OPTC: variants seen among roughly 807,000 people sequenced by gnomAD.
The protein encoded by OPTC is opticin.
In OPTC, 22 loss-of-function variants were observed where a neutral mutation model predicts 25.4. The observed-to-expected ratio is 0.87, with a 90% CI of 0.62 to 1.24. The LOEUF is 1.24. Among genes scored for constraint, OPTC ranks in the 50% most tolerant of loss-of-function variants. The pLI is 0.00. For synonymous variants in OPTC, 169 were observed against 179.3 expected, an observed-to-expected ratio of 0.94 and a Z score of 0.46; for missense variants, 417 against 425.2, an observed-to-expected ratio of 0.98 and a Z score of 0.17.
At chr1:203,506,152 C>T (rs28605835) in intron 7 of OPTC, among the ~76,000 whole-genome samples, 54,087 of 140,100 alleles carry the variant, frequency 0.39, 10,248 homozygotes, top group East Asian at 0.45. Flanking sequence ...TTTCTTTTTT[C>T]TTTTTTTTTT....
intron 7 of OPTC, among the ~76,000 whole-genome samples, chr1:203,508,208 C>A (rs1387615846): frequency 6.6e-6 from 1 of 152,216 alleles, no homozygotes; most frequent in East Asian, 1.9e-4. Context: ...AATCCCATCT[C>A]CAGCTCCTGG....
At chr1:203,503,794 C>A in intron 7 of OPTC, 49 bp downstream of exon 7, 1 of 1,487,680 alleles carries the variant, frequency 6.7e-7, no homozygotes, top group Non-Finnish European at 9.3e-7. Context: ...AGCCATAAAG[C>A]CCAATTCCTT....
rs2102221402 is a variant in OPTC, at chr1:203,499,925, A to C, written c.732+74A>C. 7.5e-6 allele frequency: 9 copies of C among 1,193,930 alleles called. No individual in the cohort carries two copies. The African/African-American group carries it at 1.0e-4, about 14-fold the overall frequency. The allele number at this position is 1,193,930 out of a possible 1,614,324, so 74.0% of individuals were successfully genotyped here. On this transcript the variant is annotated intron_variant, in intron 5 of 7. Coordinates refer to ENST00000367222, the MANE Select transcript of OPTC (RefSeq NM_014359.4). ...CTACCACCACCCACCTCCACCACCT[A>C]CCTCCACCACTCACCTCCACCACCA...
Position 203,498,395 on chromosome 1 carries a change from C to A in OPTC, c.371-286C>A, listed in dbSNP as rs547962866. On this transcript the variant is annotated intron_variant, in intron 3 of 7. Coordinates refer to ENST00000367222, the MANE Select transcript of OPTC (RefSeq NM_014359.4). ...AGACCAAGGGATTTCCTAGAAACAC[C>A]CACATAGGCCCAGGAAAATGTACAC... Among the ~76,000 whole-genome samples, 6 of 152,252 alleles carry A rather than the reference C, an allele frequency of 3.9e-5. No individual in the cohort carries two copies. The South Asian group carries it at 1.2e-3, about 32-fold the overall frequency.
chr1:203,494,411 A>C (rs1438388906), intron 1 of OPTC, among the ~76,000 whole-genome samples, 194 bp downstream of exon 1: 2 of 152,096 alleles, frequency 1.3e-5, no homozygotes, highest in Admixed American at 6.6e-5. Context: ...GTTTGGGGTG[A>C]GGTATGGGAG....
At chr1:203,496,876 CTT>C (rs1239450801) in intron 2 of OPTC, 99 bp from the exon 3 acceptor site, 2 of 1,273,828 alleles carry the variant, frequency 1.6e-6, no homozygotes, top group Admixed American at 1.7e-5. Flanking sequence ...CACAGTGACT[CTT>C]TGCTGGTTTG....
intron 7 of OPTC, among the ~76,000 whole-genome samples, chr1:203,506,730 A>T (rs1404990249): frequency 6.6e-6 from 1 of 152,224 alleles, no homozygotes; most frequent in Non-Finnish European, 1.5e-5. Flanking sequence ...TTCAGACTGC[A>T]GATGAAGAAA....
At chr1:203,508,305 G>C (rs1661530883) in intron 7 of OPTC, among the ~76,000 whole-genome samples, 7 of 152,166 alleles carry the variant, frequency 4.6e-5, no homozygotes, top group Admixed American at 4.6e-4. Context: ...CTAGAAAAAG[G>C]GGGGCTGCCT....
chr1:203,504,618 A>G, intron 7 of OPTC, among the ~76,000 whole-genome samples: 2 of 152,242 alleles, frequency 1.3e-5, no homozygotes, highest in South Asian at 2.1e-4. Context: ...AGATTTCTAT[A>G]GGGCATTCCT....
chr1:203,500,046 A>C (rs1399992210), intron 5 of OPTC, among the ~76,000 whole-genome samples, 195 bp downstream of exon 5: 1 of 5,372 alleles, frequency 1.9e-4, no homozygotes, highest in Admixed American at 2.2e-3. Context: ...CACCACCACC[A>C]CCTACCTCCA....
At chr1:203,507,678 C>T (rs900124083) in intron 7 of OPTC, among the ~76,000 whole-genome samples, 11 of 152,182 alleles carry the variant, frequency 7.2e-5, no homozygotes, top group Non-Finnish European at 1.5e-5. Context: ...CAGGGCCCCT[C>T]CTCTCCGTGA....
At chr1:203,501,806 C>T (rs770930438) in intron 5 of OPTC, among the ~76,000 whole-genome samples, 8 of 152,066 alleles carry the variant, frequency 5.3e-5, no homozygotes, top group East Asian at 1.9e-4. Flanking sequence ...AATCAGAAGC[C>T]GGCCACGTGA....
intron 7 of OPTC, among the ~76,000 whole-genome samples, chr1:203,504,482 A>G (rs1191773716): frequency 3.3e-5 from 5 of 152,176 alleles, no homozygotes; most frequent in African/African-American, 1.2e-4. Context: ...AAACACTACA[A>G]ATTGGGATTT....
Position 203,499,805 on chromosome 1 carries a change from G to A in OPTC, c.686G>A (p.Arg229His), listed in dbSNP as rs573018317. 471 of 1,612,536 alleles carry A rather than the reference G, an allele frequency of 2.9e-4. 10 individuals are homozygous for A. In the South Asian group the frequency reaches 4.8e-3, roughly 17 times the overall value. The change falls in exon 5 of 8, where the codon CGC (arginine) becomes CAC (histidine). Residue 229 changes from arginine to histidine, a missense_variant. Coordinates refer to ENST00000367222, the MANE Select transcript of OPTC (RefSeq NM_014359.4). ...AGTGGCATTGAGTTCCTGGATGTCC[G>A]CCTAAATCGGCTCCAGAGCTCGGGG... ...LPSGIEFLDV[R>H]LNRLQSSGIQ...
intron 2 of OPTC, 70 bp downstream of exon 2, chr1:203,496,306 C>T: frequency 8.5e-7 from 1 of 1,175,866 alleles, no homozygotes. Context: ...GCCCTCCCAT[C>T]TGCCCCAAAG....
intron 2 of OPTC, 86 bp downstream of exon 2, chr1:203,496,322 G>T (rs72743632): frequency 2.2e-5 from 20 of 920,042 alleles, no homozygotes; most frequent in Admixed American, 9.5e-5. Context: ...CAAAGTGCGG[G>T]TGTCTCCAGC....
chr1:203,497,437 G>A (rs979939457), intron 3 of OPTC, among the ~76,000 whole-genome samples: 1 of 152,202 alleles, frequency 6.6e-6, no homozygotes, highest in African/African-American at 2.4e-5. Flanking sequence ...AGGTTGAGTG[G>A]TAATTAGATT....
At chr1:203,504,217 T>G (rs1462530926) in intron 7 of OPTC, among the ~76,000 whole-genome samples, 1 of 152,214 alleles carries the variant, frequency 6.6e-6, no homozygotes, top group Non-Finnish European at 1.5e-5. Flanking sequence ...AAAATTAAAT[T>G]ATATAAACTC....
chr1:203,500,857 T>C (rs1296036274), intron 5 of OPTC, among the ~76,000 whole-genome samples: 3 of 152,188 alleles, frequency 2.0e-5, no homozygotes, highest in African/African-American at 7.2e-5. Flanking sequence ...CAACTCTCTC[T>C]CCCTCTTTGG....
Sources: allele counts gnomAD v4.1 joint callset (sites outside exome capture counted in the v4.1 genomes callset), GRCh38; gene constraint gnomAD v4.1.1; transcripts MANE v1.5; gene names NCBI Gene and HGNC (gene_info 2026-07-23, HGNC 2026-07-21).